NXPH1: variants seen among roughly 807,000 people sequenced by gnomAD.
NXPH1 encodes the protein neurexophilin-1.
Under a neutral mutation model 23.7 loss-of-function variants are expected in NXPH1, and 5 were observed. The observed-to-expected ratio is 0.21, with a 90% confidence interval of 0.11 to 0.44. The LOEUF (loss-of-function observed/expected upper bound fraction) is 0.44. Ranked by LOEUF, NXPH1 falls within the 20% of genes least tolerant of loss-of-function variation. The pLI is 0.99. For synonymous variants in NXPH1, 144 were observed against 122.2 expected (o/e 1.18, Z -1.18); for missense variants, 324 against 321.6 (o/e 1.01, Z -0.06).
intron 2 of NXPH1, among the ~76,000 whole-genome samples, chr7:8,528,477 T>C (rs1289350762): frequency 2.0e-5 from 3 of 152,276 alleles, no homozygotes; most frequent in African/African-American, 7.2e-5. Context: ...TGATTCATTT[T>C]AACATGAAAT....
At chr7:8,473,006 A>G (rs140586513) in intron 2 of NXPH1, among the ~76,000 whole-genome samples, 4,171 of 152,266 alleles carry the variant, frequency 0.027, 88 homozygotes, top group Middle Eastern at 0.048. Context: ...TAAGAGGCAC[A>G]TATTACTACC....
intron 2 of NXPH1, among the ~76,000 whole-genome samples, chr7:8,668,117 T>C: frequency 6.6e-6 from 1 of 152,096 alleles, no homozygotes; most frequent in East Asian, 1.9e-4. Context: ...TTTTATTGTT[T>C]CTCTGTATTT....
intron 2 of NXPH1, among the ~76,000 whole-genome samples, chr7:8,465,379 C>T (rs1461886124): frequency 6.6e-6 from 1 of 152,090 alleles, no homozygotes; most frequent in Admixed American, 6.6e-5. Flanking sequence ...GATTGTGTCT[C>T]CTGAAGGATT....
At chr7:8,472,635 T>C (rs552363503) in intron 2 of NXPH1, among the ~76,000 whole-genome samples, 7 of 152,234 alleles carry the variant, frequency 4.6e-5, no homozygotes, top group Non-Finnish European at 8.8e-5. Context: ...CTGGATAGGA[T>C]ACCACAATCT....
chr7:8,502,788 C>T (rs1490303593), intron 2 of NXPH1, among the ~76,000 whole-genome samples: 1 of 151,444 alleles, frequency 6.6e-6, no homozygotes, highest in Non-Finnish European at 1.5e-5. Context: ...ACCTCACTGG[C>T]AGAAGTTACT....
chr7:8,687,952 C>A (rs1821171998), intron 2 of NXPH1, among the ~76,000 whole-genome samples: 1 of 152,032 alleles, frequency 6.6e-6, no homozygotes, highest in South Asian at 2.1e-4. Flanking sequence ...CAAATACATG[C>A]AGAGTTGATT....
rs370054646 is a variant in NXPH1 at position 8,467,417 on chromosome 7, CTGAGA to C, written c.54+31652_54+31656del. Among the ~76,000 whole-genome samples, 245 of 152,244 alleles carry C rather than the reference CTGAGA, an allele frequency of 1.6e-3. 2 individuals are homozygous for C. The highest frequency in any genetic ancestry group is 5.5e-3 in the African/African-American group (230 of 41,562). ...GATTTACAGAAGCTTCCTGTCTGTTCTGAGATATTTTTAACTTATGCTTTTATTAT... is the reference window on the plus strand; with the variant it reads ...GATTTACAGAAGCTTCCTGTCTGTTCTATTTTTAACTTATGCTTTTATTAT... On this transcript the variant is annotated intron_variant, in intron 2 of 2. Transcript: ENST00000405863.
intron 2 of NXPH1, among the ~76,000 whole-genome samples, chr7:8,437,431 C>T (rs893122396): frequency 6.6e-6 from 1 of 152,146 alleles, no homozygotes; most frequent in African/African-American, 2.4e-5. Context: ...ATTCCCTTGA[C>T]CATCGTAACC....
chr7:8,706,022 A>T (rs149859115), intron 2 of NXPH1, among the ~76,000 whole-genome samples: 1 of 152,330 alleles, frequency 6.6e-6, no homozygotes, highest in East Asian at 1.9e-4. Context: ...CTAGTGTCCC[A>T]GTAGACATAA....
At chr7:8,438,924 T>A (rs1320212208) in intron 2 of NXPH1, among the ~76,000 whole-genome samples, 1 of 152,136 alleles carries the variant, frequency 6.6e-6, no homozygotes, top group Non-Finnish European at 1.5e-5. Context: ...GCCCACAGAG[T>A]TACCTTCTGA....
chr7:8,751,232 C>T lies in NXPH1; in HGVS notation c.279C>T (p.Asn93=), dbSNP rs376393321. The change falls in exon 3 of 3, where the codon AAC becomes AAT. Residue 93 remains asparagine (N), a synonymous_variant. Coordinates refer to ENST00000405863, the MANE Select transcript of NXPH1 (RefSeq NM_152745.3). This position sits in a 1 kb window ranked among gnomAD's most constrained non-coding sequence, Gnocchi z 4.5. ...AAGACCTCTGGGACTGGCTGAGGAACTCCACAGACCTTCAAGAGCCTCGGC... is the reference window on the plus strand; with the variant it reads ...AAGACCTCTGGGACTGGCTGAGGAATTCCACAGACCTTCAAGAGCCTCGGC... The part of the protein sequence containing the change: ...SEQDLWDWLR[N]STDLQEPRPR... The T allele has an allele frequency of 1.2e-6, 2 of 1,613,754 alleles. No homozygotes were observed. The highest frequency in any genetic ancestry group is 1.3e-5 in the African/African-American group (1 of 74,926).
chr7:8,715,577 A>T (rs1779863867), intron 2 of NXPH1, among the ~76,000 whole-genome samples: 1 of 152,150 alleles, frequency 6.6e-6, no homozygotes, highest in African/African-American at 2.4e-5. Context: ...GGTTGCTATA[A>T]TCAGTTATAA....
intron 2 of NXPH1, among the ~76,000 whole-genome samples, chr7:8,535,515 G>C (rs1016964709): frequency 4.6e-5 from 7 of 151,630 alleles, no homozygotes; most frequent in African/African-American, 1.7e-4. Flanking sequence ...GGGATTAATT[G>C]GGATATGGAA....
intron 2 of NXPH1, among the ~76,000 whole-genome samples, chr7:8,457,256 A>G (rs1183856303): frequency 6.6e-6 from 1 of 152,196 alleles, no homozygotes; most frequent in African/African-American, 2.4e-5. Flanking sequence ...CACAAGGGAA[A>G]TAAATGTCTA....
chr7:8,712,826 C>G (rs1583242255), intron 2 of NXPH1, among the ~76,000 whole-genome samples: 2 of 152,182 alleles, frequency 1.3e-5, no homozygotes, highest in East Asian at 3.9e-4. Flanking sequence ...TATCTCTTTC[C>G]TCTTGCTGCT....
Position 8,526,820 on chromosome 7 carries a change from A to G in NXPH1, c.54+91053A>G, listed in dbSNP as rs142383668. On this transcript the variant is annotated intron_variant, in intron 2 of 2. Coordinates refer to ENST00000405863, the MANE Select transcript of NXPH1 (RefSeq NM_152745.3). ...TCCAATTAAACCTCTTTTTCTTACC[A>G]GTCTTGGCTATTTCTTTATCAGCAG... 3.6e-4 allele frequency among the ~76,000 whole-genome samples: 55 copies of G among 152,266 alleles called. No homozygotes were observed. In the East Asian group the frequency reaches 8.5e-3, roughly 24 times the overall value.
At chr7:8,542,839 A>C (rs1490091454) in intron 2 of NXPH1, among the ~76,000 whole-genome samples, 1 of 151,594 alleles carries the variant, frequency 6.6e-6, no homozygotes, top group Non-Finnish European at 1.5e-5. Flanking sequence ...TTACACAGGC[A>C]AAATAATGTG....
At chr7:8,640,023 G>A (rs1430095683) in intron 2 of NXPH1, among the ~76,000 whole-genome samples, 7 of 152,020 alleles carry the variant, frequency 4.6e-5, no homozygotes, top group Non-Finnish European at 5.9e-5. Context: ...TCAATTATTT[G>A]TGTTTTTCTT....
intron 2 of NXPH1, among the ~76,000 whole-genome samples, chr7:8,617,768 T>C (rs1819777041): frequency 1.3e-5 from 2 of 152,104 alleles, no homozygotes; most frequent in South Asian, 4.1e-4. Context: ...ATAACGTAAT[T>C]GTACGTTTTA....
Sources: allele counts gnomAD v4.1 joint callset (sites outside exome capture counted in the v4.1 genomes callset), GRCh38; gene constraint gnomAD v4.1.1; non-coding constraint Gnocchi (gnomAD v3.1); transcripts MANE v1.5; gene names NCBI Gene and HGNC (gene_info 2026-07-23, HGNC 2026-07-21).